Variants in CACNA1E observed in about 807,000 individuals in gnomAD.
CACNA1E encodes the protein voltage-dependent R-type calcium channel subunit alpha-1E.
A neutral mutation model predicts 259.2 loss-of-function variants in CACNA1E; 40 were observed. The ratio of observed to expected loss-of-function variants is 0.15; its 90% CI spans 0.12 to 0.20. The LOEUF (loss-of-function observed/expected upper bound fraction) is 0.20. CACNA1E is among the 10% of genes least tolerant of loss of function. The probability of loss-of-function intolerance (pLI) is 1.00; values close to 1 mark genes in which losing one functional copy is unlikely to be tolerated. For synonymous variants in CACNA1E, 1,104 were observed against 1,138.5 expected (o/e 0.97, Z 0.61); for missense variants, 1,874 against 3,040.1 (o/e 0.62, Z 9.02).
At chr1:181,706,138 A>G (rs1652775580) in intron 7 of CACNA1E, among the ~76,000 whole-genome samples, 1 of 152,156 alleles carries the variant, frequency 6.6e-6, no homozygotes, top group African/African-American at 2.4e-5. Context: ...CTTCTTCTAT[A>G]GGCCAGATTC....
intron 3 of CACNA1E, among the ~76,000 whole-genome samples, chr1:181,551,126 A>C (rs1648102077): frequency 1.3e-5 from 2 of 152,148 alleles, no homozygotes; most frequent in Admixed American, 1.3e-4. Flanking sequence ...TGTTTTGCTT[A>C]GAGTTAGAGG....
chr1:181,374,462 G>GA (rs5779098), intron 1 of CACNA1E, among the ~76,000 whole-genome samples: 28 of 149,516 alleles, frequency 1.9e-4, no homozygotes, highest in African/African-American at 6.2e-4. Flanking sequence ...TATCCCAAAA[G>GA]AAAAAAAAAA....
At chr1:181,447,990 G>C (rs1464884577) in intron 2 of CACNA1E, among the ~76,000 whole-genome samples, 8 of 152,172 alleles carry the variant, frequency 5.3e-5, no homozygotes, top group African/African-American at 1.9e-4. Flanking sequence ...TTAAGAGCTG[G>C]TGTGATTAGA....
rs375730764 is a variant in CACNA1E, at chr1:181,676,373, A to G, written c.1055+24932A>G. Among the ~76,000 whole-genome samples, 27 of 152,282 alleles carry G rather than the reference A, an allele frequency of 1.8e-4. No homozygotes were observed. In the East Asian group the frequency reaches 4.8e-3, roughly 27 times the overall value. Reference sequence around the variant, plus strand: ...TATAATGGCCAGGACGTTGCACTACATATGTTTCCATAATATAATCGGTGT... The same window carrying G: ...TATAATGGCCAGGACGTTGCACTACGTATGTTTCCATAATATAATCGGTGT... On this transcript the variant is annotated intron_variant, in intron 7 of 47. Coordinates refer to ENST00000367573, the MANE Select transcript of CACNA1E (RefSeq NM_001205293.3).
In CACNA1E at chr1:181,618,072, T is replaced by G. The variant is rs1572393245; in HGVS notation, c.952-33266T>G. 2.0e-5 allele frequency among the ~76,000 whole-genome samples: 3 copies of G among 152,356 alleles called. No individual in the cohort carries two copies. The East Asian group carries it at 5.8e-4, about 29-fold the overall frequency. On this transcript the variant is annotated intron_variant, in intron 6 of 47. Transcript: ENST00000367573. ...AGACAATGAGTCTCTGCATGACATT[T>G]AATTCGCCTACGGTGCTGTTTTGAA...
At chr1:181,343,661 A>G (rs546596553) in intron 1 of CACNA1E, among the ~76,000 whole-genome samples, 1 of 152,300 alleles carries the variant, frequency 6.6e-6, no homozygotes, top group Admixed American at 6.5e-5. Flanking sequence ...CCAGATGTGT[A>G]TTATGCATTT....
chr1:181,615,283 C>G (rs1250065800), intron 6 of CACNA1E, among the ~76,000 whole-genome samples: 1 of 152,204 alleles, frequency 6.6e-6, no homozygotes, highest in Admixed American at 6.5e-5. Context: ...CTCTGCCTCC[C>G]GGGTTCGAGC....
At position 181,403,226 on chromosome 1, in the gene CACNA1E, G is replaced by A. The variant is rs577870680; in HGVS notation, c.-14-9907G>A. Reference sequence around the variant, plus strand: ...ATAGTTATTTCATAAGATTTTTTTCGAGAATTAAGTAAAAATGTAAAGGAT... The same window carrying A: ...ATAGTTATTTCATAAGATTTTTTTCAAGAATTAAGTAAAAATGTAAAGGAT... On this transcript the variant is annotated intron_variant, in intron 1 of 11. Transcript: ENST00000524607. 9.9e-5 allele frequency among the ~76,000 whole-genome samples: 15 copies of A among 151,070 alleles called. No individual in the cohort carries two copies. The South Asian group carries it at 1.7e-3, about 17-fold the overall frequency.
intron 32 of CACNA1E, among the ~76,000 whole-genome samples, chr1:181,761,078 CTG>C (rs1166522146): frequency 3.9e-5 from 6 of 152,184 alleles, no homozygotes; most frequent in Non-Finnish European, 7.3e-5. Context: ...ATTTATGAAA[CTG>C]TGTGATTCAA....
intron 7 of CACNA1E, among the ~76,000 whole-genome samples, chr1:181,678,042 A>G (rs1649555721): frequency 6.6e-6 from 1 of 152,152 alleles, no homozygotes; most frequent in Non-Finnish European, 1.5e-5. Flanking sequence ...TGCGGGACAT[A>G]GTATTTGGGG....
At chr1:181,441,066 T>A (rs1184208803) in intron 2 of CACNA1E, among the ~76,000 whole-genome samples, 1 of 136,176 alleles carries the variant, frequency 7.3e-6, no homozygotes. Context: ...TCCTGGCCCC[T>A]AGGGGCTATG....
In CACNA1E at chr1:181,614,303, T is replaced by C. The variant is rs1014199027; in HGVS notation, c.951+33527T>C. ...TGTAGGCCTCAATTTATGGCAAATA[T>C]CAAGCAATTTAACTTTTTCTTATAC... On this transcript the variant is annotated intron_variant, in intron 6 of 47. Coordinates refer to ENST00000367573, the MANE Select transcript of CACNA1E (RefSeq NM_001205293.3). 2.0e-5 allele frequency among the ~76,000 whole-genome samples: 3 copies of C among 152,320 alleles called. No individual in the cohort carries two copies. In the East Asian group the frequency reaches 5.8e-4, roughly 29 times the overall value.
intron 8 of CACNA1E, among the ~76,000 whole-genome samples, chr1:181,711,529 G>A (rs4233189): frequency 0.81 from 123,649 of 152,200 alleles, 50,492 homozygotes; most frequent in Non-Finnish European, 0.86. Flanking sequence ...GGCTAAGGCA[G>A]CGATAAACAA....
intron 1 of CACNA1E, among the ~76,000 whole-genome samples, chr1:181,342,761 AGAG>A (rs1355191485): frequency 6.6e-6 from 1 of 152,208 alleles, no homozygotes; most frequent in Non-Finnish European, 1.5e-5. Flanking sequence ...TGGCAGAGAA[AGAG>A]GACCACTGAT....
intron 3 of CACNA1E, 133 bp downstream of exon 3, chr1:181,511,643 T>C: frequency 9.6e-7 from 1 of 1,037,154 alleles, no homozygotes; most frequent in South Asian, 1.5e-5. Context: ...AGTTCAAGGC[T>C]AAGATTCCCC....
chr1:181,747,128 G>A (rs1222703259), intron 25 of CACNA1E, among the ~76,000 whole-genome samples: 1 of 150,016 alleles, frequency 6.7e-6, no homozygotes, highest in East Asian at 2.0e-4. Context: ...TCACTCCTGC[G>A]AGCCTGGCCA....
intron 6 of CACNA1E, among the ~76,000 whole-genome samples, chr1:181,636,172 A>G (rs1657192205): frequency 6.6e-6 from 1 of 152,172 alleles, no homozygotes; most frequent in Admixed American, 6.5e-5. Flanking sequence ...TTTGTGGAGC[A>G]TTTACTATGT....
Position 181,715,335 on chromosome 1 carries a change from T to C in CACNA1E, c.1172-3T>C, listed in dbSNP as rs1412800081. On this transcript the variant is annotated splice_region_variant and splice_polypyrimidine_tract_variant and intron_variant, in intron 8 of 47. Transcript: ENST00000367573. ...ATTTACCAAACCATTTGTTTCCATA[T>C]AGAGGAAGTCATGCTCGCTGAAGAA... 2 of 1,581,658 alleles carry C rather than the reference T, an allele frequency of 1.3e-6. No homozygotes were observed. Among genetic ancestry groups the C allele is most frequent in the African/African-American group, 1.3e-5 (1 of 74,390 alleles).
intron 1 of CACNA1E, among the ~76,000 whole-genome samples, chr1:181,487,084 C>T (rs1281132420): frequency 2.0e-5 from 3 of 151,094 alleles, no homozygotes; most frequent in Non-Finnish European, 4.4e-5. Context: ...ATGTCAAGAC[C>T]TGCTTTCATA....
Sources: allele counts gnomAD v4.1 joint callset (sites outside exome capture counted in the v4.1 genomes callset), GRCh38; gene constraint gnomAD v4.1.1; transcripts MANE v1.5; gene names NCBI Gene and HGNC (gene_info 2026-07-23, HGNC 2026-07-21).